Variants in ADCY7 observed in about 807,000 individuals in gnomAD.
ADCY7 encodes adenylate cyclase type 7.
ADCY7 carries 72 observed loss-of-function variants against 120.6 expected under a neutral mutation model. That is an observed-to-expected ratio of 0.60 (90% confidence interval 0.49 to 0.73). ADCY7 has a LOEUF of 0.73. Ranked by LOEUF, ADCY7 falls within the 30% of genes least tolerant of loss-of-function variation. The pLI, the probability that ADCY7 is intolerant of heterozygous loss-of-function variation, is 0.00. For missense variants in ADCY7, 1,227 were observed against 1,486.0 expected (o/e 0.83, Z 2.87); for synonymous variants, 661 against 628.0 (o/e 1.05, Z -0.78).
intron 1 of ADCY7, among the ~76,000 whole-genome samples, chr16:50,286,065 G>A (rs140002773): frequency 1.8e-4 from 28 of 152,098 alleles, no homozygotes; most frequent in Non-Finnish European, 3.4e-4. Context: ...AGCACGGCTT[G>A]CAGACATCTG....
chr16:50,304,994 C>T (rs1279585606), intron 12 of ADCY7, 35 bp downstream of exon 12: 2 of 1,612,064 alleles, frequency 1.2e-6, no homozygotes, highest in African/African-American at 1.3e-5. Context: ...AGTCCTGCTG[C>T]AGCCACCTCC....
At chr16:50,286,321 C>T (rs922843286) in intron 1 of ADCY7, among the ~76,000 whole-genome samples, 9 of 148,070 alleles carry the variant, frequency 6.1e-5, no homozygotes, top group Admixed American at 2.7e-4. Context: ...CCCAGCTACG[C>T]AGGAGTCTGA....
intron 1 of ADCY7, among the ~76,000 whole-genome samples, chr16:50,279,916 T>G (rs998414772): frequency 6.6e-6 from 1 of 152,152 alleles, no homozygotes; most frequent in Non-Finnish European, 1.5e-5. Flanking sequence ...TTTTTTGTTG[T>G]GTCTCTGGCA....
intron 1 of ADCY7, among the ~76,000 whole-genome samples, chr16:50,249,445 A>AAACAACAACAAC (rs57815436): frequency 2.1e-4 from 31 of 150,166 alleles, no homozygotes; most frequent in South Asian, 4.3e-4. Context: ...ACTCCGTCTA[A>AAACAACAACAAC]AACAACAACA....
chr16:50,268,982 A>AG (rs938585644), intron 1 of ADCY7, among the ~76,000 whole-genome samples: 1 of 152,220 alleles, frequency 6.6e-6, no homozygotes, highest in African/African-American at 2.4e-5. Flanking sequence ...GGCTGTAGTG[A>AG]GCCATGACTG....
intron 1 of ADCY7, among the ~76,000 whole-genome samples, chr16:50,275,474 G>T (rs1171704918): frequency 2.6e-5 from 4 of 152,226 alleles, no homozygotes; most frequent in African/African-American, 9.6e-5. Context: ...CCCAAAGGAG[G>T]TTCATTAGGG....
At chr16:50,288,474 TG>T (rs1375102326) in intron 2 of ADCY7, 124 bp downstream of exon 2, 2 of 1,187,318 alleles carry the variant, frequency 1.7e-6, no homozygotes, top group Non-Finnish European at 2.3e-6. Context: ...TTGTTTGTTT[TG>T]TTTTGTTTTT....
At position 50,298,792 on chromosome 16, in the gene ADCY7, G is replaced by GC. The variant is rs2035522443; in HGVS notation, c.949-107dup. The GC allele has an allele frequency of 8.2e-6, 12 of 1,456,656 alleles. No individual in the cohort carries two copies. In the East Asian group the frequency reaches 2.8e-4, roughly 34 times the overall value. The allele number at this position is 1,456,656 out of a possible 1,614,324, so 90.2% of individuals were successfully genotyped here. A position where few individuals can be genotyped will look rare whatever the true frequency, so the allele number is the denominator to read the frequency against. On this transcript the variant is annotated intron_variant, in intron 7 of 25. Transcript: ENST00000673801. ...CTGGTGACTGGACCCCAGGAGGCAA[G>GC]CCCCCAGCCAGGAGAGAGCCGGGTG...
intron 7 of ADCY7, among the ~76,000 whole-genome samples, chr16:50,298,364 G>A (rs549107278): frequency 6.6e-6 from 1 of 152,212 alleles, no homozygotes; most frequent in East Asian, 1.9e-4. Flanking sequence ...GGTTCCTCGG[G>A]GTCTTAGCTC....
chr16:50,300,759 G>C lies in ADCY7; in HGVS notation c.1121G>C (p.Gly374Ala). ...GGCGTGGACATCAACATGCGTGTGG[G>C]CATACACTCGGGGAATGTGCTGTGC... ...ATGVDINMRV[G>A]IHSGNVLCGV... Residue 374 changes from glycine to alanine, a missense_variant, in exon 9 of 26, where the codon GGC becomes GCC. Around this residue, in one of 5 missense-constraint regions of ADCY7, gnomAD observed 332 missense variants for 455.8 expected, o/e 0.73. Coordinates refer to ENST00000673801, the MANE Select transcript of ADCY7 (RefSeq NM_001114.5). 1 of 1,552,550 alleles carries C rather than the reference G, an allele frequency of 6.4e-7. No homozygotes were observed. Among genetic ancestry groups the C allele is most frequent in the Non-Finnish European group, 8.7e-7 (1 of 1,147,460 alleles).
chr16:50,271,426 A>G (rs1280919474), intron 1 of ADCY7, among the ~76,000 whole-genome samples: 1 of 152,064 alleles, frequency 6.6e-6, no homozygotes, highest in Non-Finnish European at 1.5e-5. Flanking sequence ...TGATGGGCCA[A>G]TTTCACAGGC....
At chr16:50,248,284 C>G (rs777785280) in intron 1 of ADCY7, among the ~76,000 whole-genome samples, 7 of 152,202 alleles carry the variant, frequency 4.6e-5, no homozygotes, top group Non-Finnish European at 1.0e-4. Context: ...GGGCTTTGCT[C>G]CTGACCCCCA....
At chr16:50,258,910 TTTAG>T (rs1351180552) in intron 1 of ADCY7, among the ~76,000 whole-genome samples, 1 of 152,138 alleles carries the variant, frequency 6.6e-6, no homozygotes, top group African/African-American at 2.4e-5. Flanking sequence ...AGGTAGTATT[TTTAG>T]TTACAGTAAA....
At chr16:50,263,867 A>T (rs1596805689), upstream of ADCY7, among the ~76,000 whole-genome samples, 4 of 151,958 alleles carry the variant, frequency 2.6e-5, no homozygotes, top group South Asian at 8.3e-4. Flanking sequence ...GTGTCTCATC[A>T]GCCTCTCGCC....
At chr16:50,253,989 GTCTC>G (rs2032838247) in intron 1 of ADCY7, among the ~76,000 whole-genome samples, 1 of 152,108 alleles carries the variant, frequency 6.6e-6, no homozygotes, top group Non-Finnish European at 1.5e-5. Flanking sequence ...CTCTCTGTCT[GTCTC>G]TCTCCAGTCA....
chr16:50,310,918 G>A, intron 19 of ADCY7, 38 bp downstream of exon 19: 2 of 1,531,690 alleles, frequency 1.3e-6, no homozygotes, highest in Non-Finnish European at 1.8e-6. Flanking sequence ...TCCCCATGGT[G>A]GCCTGTTCAT....
In ADCY7 at chr16:50,297,478, C is replaced by T. The variant is rs540695079; in HGVS notation, c.949-1426C>T. ...CTAGTATCCAGGTCTGCCAAGATTG[C>T]CTGCTTTCTAGGAAAGCCACTGTCC... On this transcript the variant is annotated intron_variant, in intron 7 of 25. Coordinates refer to ENST00000673801, the MANE Select transcript of ADCY7 (RefSeq NM_001114.5). The surrounding 1 kb of genome is among the most constrained non-coding windows in gnomAD (Gnocchi z 4.4). 3.2e-4 allele frequency among the ~76,000 whole-genome samples: 48 copies of T among 152,310 alleles called. 2 individuals carry two copies. Among genetic ancestry groups the T allele is most frequent in the Admixed American group, 2.0e-3 (31 of 15,306 alleles).
In ADCY7 at chr16:50,317,853, AAAT is replaced by A; in HGVS notation, c.*2353_*2355del. 1 of 152,414 alleles carries A rather than the reference AAAT, an allele frequency of 6.6e-6. No individual in the cohort carries two copies. Among genetic ancestry groups the A allele is most frequent in the East Asian group, 1.9e-4 (1 of 5,294 alleles). 9.4% of individuals were successfully genotyped at this position (152,414 alleles called of 1,614,324 possible). A position where few individuals can be genotyped will look rare whatever the true frequency, so the allele number is the denominator to read the frequency against. The stretch of plus-strand genomic sequence containing the variant: ...ATTTCTCCTGAGTTAACTTTTGTGA[AAAT>A]AATACCTAAGGTTTTCTGGCTTATT... On this transcript the variant is annotated 3_prime_UTR_variant, in exon 26 of 26. Transcript: ENST00000673801.
intron 8 of ADCY7, 39 bp downstream of exon 8, chr16:50,299,070 G>T: frequency 6.4e-7 from 1 of 1,569,356 alleles, no homozygotes; most frequent in Non-Finnish European, 8.6e-7. Flanking sequence ...GTCCTGCCCT[G>T]TGGCGGACCC....
Sources: allele counts gnomAD v4.1 joint callset (sites outside exome capture counted in the v4.1 genomes callset), GRCh38; gene constraint gnomAD v4.1.1; regional missense constraint gnomAD v4.1.1; non-coding constraint Gnocchi (gnomAD v3.1); transcripts MANE v1.5; gene names NCBI Gene and HGNC (gene_info 2026-07-23, HGNC 2026-07-21).